The following ALPK2 variants were observed in gnomAD, a reference collection of about 807,000 sequenced individuals.
ALPK2 encodes alpha kinase 2, also known as alpha-protein kinase 2.
ALPK2 carries 127 observed loss-of-function variants against 163.1 expected under a neutral mutation model. That is an observed-to-expected ratio of 0.78 (90% CI 0.67 to 0.90). ALPK2 has a LOEUF of 0.90. ALPK2 is among the 40% of genes least tolerant of loss of function. The pLI is 0.00. For synonymous variants in ALPK2, 953 were observed against 959.1 expected (o/e 0.99, Z 0.12); for missense variants, 2,360 against 2,589.6 (o/e 0.91, Z 1.92).
At chr18:58,566,339 C>T (rs1198773803) in intron 4 of ALPK2, 1 of 152,190 alleles carries the variant, frequency 6.6e-6, no homozygotes, top group East Asian at 1.9e-4. Flanking sequence ...ATTCTGTACT[C>T]TTTCCTCAGT....
At chr18:58,573,364 G>A (rs377124512) in intron 4 of ALPK2, among the ~76,000 whole-genome samples, 19,983 of 138,854 alleles carry the variant, frequency 0.14, 1,782 homozygotes, top group African/African-American at 0.2. Context: ...ATATGTGTGT[G>A]TATATATATA....
intron 11 of ALPK2, among the ~76,000 whole-genome samples, chr18:58,503,330 G>A (rs755422115): frequency 2.0e-4 from 31 of 152,180 alleles, no homozygotes; most frequent in Non-Finnish European, 3.5e-4. Flanking sequence ...GCCTATTGAG[G>A]ATAGAACAGT....
chr18:58,495,404 T>C (rs752980825), intron 12 of ALPK2, among the ~76,000 whole-genome samples: 5 of 152,144 alleles, frequency 3.3e-5, no homozygotes, highest in African/African-American at 4.8e-5. Context: ...AGTAATACTT[T>C]ATAGACAGCA....
At chr18:58,512,699 G>A (rs1007774031) in intron 10 of ALPK2, among the ~76,000 whole-genome samples, 14 of 145,644 alleles carry the variant, frequency 9.6e-5, no homozygotes, top group African/African-American at 3.6e-4. Context: ...TGTTCGTGTG[G>A]TGTGTATGTG....
intron 1 of ALPK2, among the ~76,000 whole-genome samples, chr18:58,619,752 T>A (rs1029583996): frequency 6.6e-6 from 1 of 152,246 alleles, no homozygotes; most frequent in Non-Finnish European, 1.5e-5. Flanking sequence ...TGTTTCAAAG[T>A]TAAACATAAA....
At chr18:58,531,781 T>C (rs1385806411) in intron 5 of ALPK2, among the ~76,000 whole-genome samples, 1 of 149,852 alleles carries the variant, frequency 6.7e-6, no homozygotes, top group African/African-American at 2.5e-5. Flanking sequence ...CTACTAAATA[T>C]ACAAAAATTA....
At chr18:58,568,519 G>A (rs1036294962) in intron 4 of ALPK2, among the ~76,000 whole-genome samples, 9 of 152,114 alleles carry the variant, frequency 5.9e-5, no homozygotes, top group African/African-American at 2.2e-4. Context: ...CATAAGGCAC[G>A]CACGCCTGAG....
intron 3 of ALPK2, among the ~76,000 whole-genome samples, chr18:58,602,244 A>T (rs894289978): frequency 1.3e-5 from 2 of 152,224 alleles, no homozygotes; most frequent in African/African-American, 4.8e-5. Context: ...AAACCTGGCC[A>T]GTGCTTATGT....
Position 58,579,032 on chromosome 18 carries a change from C to T in ALPK2, c.1744G>A (p.Glu582Lys). 1 of 1,614,206 alleles carries T rather than the reference C, an allele frequency of 6.2e-7. No individual in the cohort carries two copies. Among genetic ancestry groups the T allele is most frequent in the Non-Finnish European group, 8.5e-7 (1 of 1,180,042 alleles). Residue 582 changes from glutamate (E) to lysine (K), a missense_variant, in exon 4 of 13, where the codon GAG becomes AAG. Transcript: ENST00000361673. ...GCTGCTGCTGTGGTGTGAGAAGTCT[C>T]TCTTTTATCACTCTGGGTTAGTGGG... ...EPPLTQSDKR[E>K]TSHTTAAATG...
At chr18:58,577,228 C>A (rs112161971) in intron 4 of ALPK2, among the ~76,000 whole-genome samples, 55 of 152,310 alleles carry the variant, frequency 3.6e-4, no homozygotes, top group African/African-American at 1.3e-3. Flanking sequence ...GGGGCTCTTC[C>A]CTCCAGCTCT....
In ALPK2 at chr18:58,481,862, C is replaced by G. The variant is rs772084467; in HGVS notation, c.6474G>C (p.Lys2158Asn). The G allele has an allele frequency of 9.9e-6, 16 of 1,614,044 alleles. No homozygotes were observed. In the African/African-American group the frequency reaches 1.9e-4, roughly 19 times the overall value. Residue 2158 changes from lysine to asparagine, a missense_variant, in exon 13 of 13, where the codon AAG (lysine) becomes AAC (asparagine). By Grantham distance (94) the Lys-to-Asn change is moderately conservative. Coordinates refer to ENST00000361673, the MANE Select transcript of ALPK2 (RefSeq NM_052947.4). ...SKVQTNSMTI[K>N]KAGPETPGEK... is the part of the protein sequence containing the mutation. Reference sequence around the variant, plus strand: ...CGCCTGGGGTCTCAGGCCCTGCCTTCTTTATTGTCATAGAGTTTGTTTGAA... The same window carrying G: ...CGCCTGGGGTCTCAGGCCCTGCCTTGTTTATTGTCATAGAGTTTGTTTGAA...
At chr18:58,548,541 G>C (rs1568082058) in intron 4 of ALPK2, among the ~76,000 whole-genome samples, 1 of 152,148 alleles carries the variant, frequency 6.6e-6, no homozygotes, top group East Asian at 1.9e-4. Flanking sequence ...GGCAGGTCTT[G>C]AACTTCTGAC....
chr18:58,626,382 C>T (rs1400586073), intron 1 of ALPK2, among the ~76,000 whole-genome samples: 2 of 152,140 alleles, frequency 1.3e-5, no homozygotes, highest in African/African-American at 2.4e-5. Flanking sequence ...TCTGAGTTGG[C>T]CCAAAGCTAC....
intron 1 of ALPK2, among the ~76,000 whole-genome samples, chr18:58,625,286 C>T (rs567649667): frequency 6.6e-6 from 1 of 152,134 alleles, no homozygotes; most frequent in Non-Finnish European, 1.5e-5. Context: ...AAACTGCTTG[C>T]CTGCAGGGCA....
At position 58,611,821 on chromosome 18, in the gene ALPK2, A is replaced by T; in HGVS notation, c.-20-4T>A. On this transcript the variant is annotated splice_region_variant and splice_polypyrimidine_tract_variant and intron_variant, in intron 1 of 12. Coordinates refer to ENST00000361673, the MANE Select transcript of ALPK2 (RefSeq NM_052947.4). ...ATCCTTTCATGCCGCACCAAATCTG[A>T]AAAAAAAAAAAATCCCCGACATCAC... 1.9e-6 allele frequency: 1 copy of T among 528,302 alleles called. No individual in the cohort carries two copies. The allele number at this position is 528,302 out of a possible 1,614,324, so 32.7% of individuals were successfully genotyped here.
intron 12 of ALPK2, 39 bp from the exon 13 acceptor site, chr18:58,482,078 CA>C: frequency 6.7e-7 from 1 of 1,484,750 alleles, no homozygotes; most frequent in Non-Finnish European, 9.4e-7. Context: ...CTTTTAAAAA[CA>C]GGACACTTTC....
chr18:58,505,562 CT>C (rs1262784549), intron 10 of ALPK2, among the ~76,000 whole-genome samples: 11 of 152,060 alleles, frequency 7.2e-5, no homozygotes, highest in Non-Finnish European at 1.3e-4. Flanking sequence ...TTTCCTTTCT[CT>C]CCTCCATCAA....
At chr18:58,622,592 T>C (rs1442099263) in intron 1 of ALPK2, among the ~76,000 whole-genome samples, 4 of 152,192 alleles carry the variant, frequency 2.6e-5, no homozygotes, top group Non-Finnish European at 5.9e-5. Context: ...TATGGTGCTA[T>C]AAACATACAA....
At chr18:58,482,515 AT>A (rs1458251111) in intron 12 of ALPK2, among the ~76,000 whole-genome samples, 1 of 152,172 alleles carries the variant, frequency 6.6e-6, no homozygotes, top group Admixed American at 6.5e-5. Flanking sequence ...TTAAGAGGTC[AT>A]GAGACTACCC....
Sources: gnomAD v4.1 joint callset for allele counts (sites outside exome capture counted in the v4.1 genomes callset) on GRCh38, gnomAD v4.1.1 for gene constraint, MANE v1.5 for transcripts, NCBI Gene and HGNC (gene_info 2026-07-23, HGNC 2026-07-21) for gene names.